RGS3: variants seen among roughly 807,000 people sequenced by gnomAD.
RGS3 encodes regulator of G protein signaling 3.
A neutral mutation model predicts 132.6 loss-of-function variants in RGS3; 80 were observed. The observed-to-expected ratio is 0.60, with a 90% CI of 0.50 to 0.73. The LOEUF is 0.73. RGS3 is among the 30% of genes least tolerant of loss of function. The pLI is 0.00. For missense variants in RGS3, 1,382 were observed against 1,530.8 expected, an observed-to-expected ratio of 0.90 and a Z score of 1.62; for synonymous variants, 598 against 620.6, an observed-to-expected ratio of 0.96 and a Z score of 0.54.
intron 7 of RGS3, among the ~76,000 whole-genome samples, chr9:113,493,547 C>G (rs1400310261): frequency 6.6e-6 from 1 of 152,154 alleles, no homozygotes; most frequent in African/African-American, 2.4e-5. Flanking sequence ...CCCCACCCCT[C>G]GCTTGACTTG....
At chr9:113,515,197 C>T (rs991019200) in intron 15 of RGS3, among the ~76,000 whole-genome samples, 2 of 152,186 alleles carry the variant, frequency 1.3e-5, no homozygotes, top group African/African-American at 4.8e-5. Context: ...CCTGAAATCC[C>T]AGCTACTTGG....
chr9:113,564,066 A>G (rs1833896971), intron 19 of RGS3, among the ~76,000 whole-genome samples: 1 of 152,214 alleles, frequency 6.6e-6, no homozygotes, highest in Admixed American at 6.5e-5. Flanking sequence ...GGGACAGCCC[A>G]GGGTGCATTT....
intron 19 of RGS3, among the ~76,000 whole-genome samples, chr9:113,569,947 A>G (rs1369181169): frequency 6.6e-6 from 1 of 152,124 alleles, no homozygotes; most frequent in African/African-American, 2.4e-5. Flanking sequence ...TCCACCCCTC[A>G]GAGGTGTAGA....
chr9:113,561,355 C>G (rs1833772624), intron 19 of RGS3, among the ~76,000 whole-genome samples: 1 of 151,394 alleles, frequency 6.6e-6, no homozygotes, highest in Admixed American at 6.6e-5. Flanking sequence ...TTTTCTTTTT[C>G]TTTCTTTCCT....
chr9:113,586,917 G>C (rs1294053532), intron 20 of RGS3, among the ~76,000 whole-genome samples: 1 of 152,178 alleles, frequency 6.6e-6, no homozygotes, highest in African/African-American at 2.4e-5. Context: ...AGTACCTGGC[G>C]CTCAGCACCT....
intron 11 of RGS3, 49 bp downstream of exon 9, chr9:113,505,572 T>G (rs376129221): frequency 1.4e-6 from 2 of 1,477,036 alleles, no homozygotes; most frequent in African/African-American, 2.8e-5. Context: ...ACCACACATG[T>G]GGGCTTTGCA....
In RGS3 at chr9:113,463,535, T is replaced by C. The variant is rs1370422505; in HGVS notation, c.415+1334T>C. Among the ~76,000 whole-genome samples the C allele has an allele frequency of 6.6e-6, 1 of 152,098 alleles. No individual in the cohort carries two copies. The highest frequency in any genetic ancestry group is 1.5e-5 in the Non-Finnish European group (1 of 68,000). ...ACCCGGGGTGGCCGCACCGTCCTGC[T>C]GGCTCCTTGGGTGGCTGCCGTCGCT... On this transcript the variant is annotated intron_variant, in intron 3 of 24. Coordinates refer to ENST00000350696, the Ensembl canonical transcript of RGS3. The surrounding 1 kb of genome is among the most constrained non-coding windows in gnomAD (Gnocchi z 4.6).
intron 19 of RGS3, among the ~76,000 whole-genome samples, chr9:113,572,222 G>A (rs974955351): frequency 6.6e-6 from 1 of 152,162 alleles, no homozygotes; most frequent in African/African-American, 2.4e-5. Flanking sequence ...CTAGAGGGAT[G>A]AAGGCATTTT....
chr9:113,466,462 A>G (rs967734934), intron 3 of RGS3, among the ~76,000 whole-genome samples: 7 of 152,258 alleles, frequency 4.6e-5, no homozygotes, highest in African/African-American at 1.7e-4. Flanking sequence ...GTGTGTACAC[A>G]TGAACACAAC....
At chr9:113,486,558 A>G (rs958362194) in intron 7 of RGS3, among the ~76,000 whole-genome samples, 6 of 152,328 alleles carry the variant, frequency 3.9e-5, no homozygotes, top group African/African-American at 1.4e-4. Flanking sequence ...AGTGACAGCA[A>G]TGCACTGCCA....
intron 10 of RGS3, among the ~76,000 whole-genome samples, chr9:113,502,428 T>C (rs1042410921): frequency 6.6e-6 from 1 of 152,250 alleles, no homozygotes; most frequent in African/African-American, 2.4e-5. Context: ...TGGCAGTGCT[T>C]AGGTCCCAGG....
chr9:113,519,280 C>T (rs1386280926), intron 16 of RGS3, among the ~76,000 whole-genome samples: 1 of 152,072 alleles, frequency 6.6e-6, no homozygotes, highest in Admixed American at 6.5e-5. Context: ...TAAAGACAAA[C>T]TAAGGAACAC....
intron 20 of RGS3, among the ~76,000 whole-genome samples, chr9:113,585,601 GCTTGGC>G (rs1270956238): frequency 6.6e-6 from 1 of 152,246 alleles, no homozygotes; most frequent in African/African-American, 2.4e-5. Context: ...ATACCTCTCA[GCTTGGC>G]CTTGAAGGAT....
At chr9:113,575,746 A>G (rs932635128) in intron 19 of RGS3, among the ~76,000 whole-genome samples, 5 of 152,230 alleles carry the variant, frequency 3.3e-5, no homozygotes, top group African/African-American at 1.2e-4. Context: ...AGAAAGAAGT[A>G]AAAAGGCCTG....
intron 19 of RGS3, among the ~76,000 whole-genome samples, chr9:113,549,943 A>G (rs1833263403): frequency 6.6e-6 from 1 of 152,188 alleles, no homozygotes; most frequent in Admixed American, 6.5e-5. Flanking sequence ...GTTTGAGGTT[A>G]CAGTGAGCTA....
intron 19 of RGS3, among the ~76,000 whole-genome samples, chr9:113,558,127 C>T (rs899104209): frequency 6.6e-6 from 1 of 152,076 alleles, no homozygotes. Context: ...GGTGAGAGAT[C>T]CACAGGATGT....
At chr9:113,465,001 G>C (rs1304594431) in intron 3 of RGS3, among the ~76,000 whole-genome samples, 2 of 152,196 alleles carry the variant, frequency 1.3e-5, no homozygotes, top group Non-Finnish European at 2.9e-5. Context: ...GAATTCACTG[G>C]TCTAGTTGGT....
chr9:113,596,956 G>A (rs1329559876), exon 25 of RGS3: 3 of 1,596,660 alleles, frequency 1.9e-6, no homozygotes, highest in South Asian at 1.1e-5. Context: ...CGCTTTAGGG[G>A]CCACTGGAGT....
chr9:113,495,624 C>G (rs958207897), intron 7 of RGS3, among the ~76,000 whole-genome samples, 162 bp from the exon 6 acceptor site: 2 of 152,216 alleles, frequency 1.3e-5, no homozygotes, highest in Admixed American at 6.5e-5. Context: ...AATAGCTCCT[C>G]TCTATCCTGC....
Sources: allele counts gnomAD v4.1 joint callset (sites outside exome capture counted in the v4.1 genomes callset), GRCh38; gene constraint gnomAD v4.1.1; non-coding constraint Gnocchi (gnomAD v3.1); transcripts MANE v1.5; gene names NCBI Gene and HGNC (gene_info 2026-07-23, HGNC 2026-07-21).